Variants in SAMD8 observed in about 807,000 individuals in gnomAD.
SAMD8 encodes sphingomyelin synthase-related protein 1.
SAMD8 carries 20 observed loss-of-function variants against 42.0 expected under a neutral mutation model. The ratio of observed to expected loss-of-function variants is 0.48; its 90% confidence interval spans 0.34 to 0.69. The LOEUF (loss-of-function observed/expected upper bound fraction) is 0.69. Among genes scored for constraint, SAMD8 ranks in the 30% least tolerant of loss-of-function variants. The pLI is 0.01. For synonymous variants in SAMD8, 162 were observed against 173.0 expected (o/e 0.94, Z 0.50); for missense variants, 328 against 511.6 (o/e 0.64, Z 3.46).
intron 1 of SAMD8, among the ~76,000 whole-genome samples, chr10:75,129,405 T>C (rs1849222845): frequency 6.6e-6 from 1 of 152,092 alleles, no homozygotes; most frequent in African/African-American, 2.4e-5. Flanking sequence ...CACACCCAGA[T>C]AATTTTTGTA....
intron 2 of SAMD8, chr10:75,164,402 C>A: frequency 2.1e-4 from 69 of 326,798 alleles, no homozygotes; most frequent in South Asian, 2.5e-4. Context: ...TTTTTTTTTT[C>A]CTCTGGTATT....
upstream of SAMD8, chr10:75,109,112 T>C (rs1848698624): frequency 6.2e-7 from 1 of 1,611,742 alleles, no homozygotes; most frequent in African/African-American, 1.3e-5. Context: ...GGGCAAGGCG[T>C]GGCTTTGTCC....
upstream of SAMD8, among the ~76,000 whole-genome samples, chr10:75,108,549 G>A (rs991067354): frequency 5.3e-5 from 8 of 152,044 alleles, no homozygotes; most frequent in African/African-American, 9.7e-5. Context: ...ACGCATATCC[G>A]TCCTCTACTG....
intron 1 of SAMD8, among the ~76,000 whole-genome samples, chr10:75,120,122 T>C (rs1444373007): frequency 1.3e-5 from 2 of 152,190 alleles, no homozygotes; most frequent in East Asian, 3.8e-4. Flanking sequence ...GTCTCTTGTG[T>C]GTTGGTATAA....
At chr10:75,108,949 C>A, upstream of SAMD8, 5 of 1,536,368 alleles carry the variant, frequency 3.3e-6, no homozygotes, top group Middle Eastern at 1.8e-4. Context: ...TCTGGTAAAG[C>A]GACCAAGAAC....
intron 1 of SAMD8, among the ~76,000 whole-genome samples, chr10:75,100,231 G>A (rs567473032): frequency 1.3e-5 from 2 of 152,280 alleles, no homozygotes; most frequent in East Asian, 3.9e-4. Flanking sequence ...GTAGGCCACA[G>A]TGCATGCCTC....
chr10:75,134,781 G>A lies in SAMD8; in HGVS notation c.-15-15733G>A, dbSNP rs151156642. On this transcript the variant is annotated intron_variant, in intron 1 of 5. Coordinates refer to ENST00000542569, the MANE Select transcript of SAMD8 (RefSeq NM_001174156.2). The stretch of plus-strand genomic sequence containing the variant: ...CACAAAGAAATGATAGATGTGACTG[G>A]TGTGGTGGCTTATGCCTGTAATCTT... Among the ~76,000 whole-genome samples the A allele has an allele frequency of 1.7e-3, 263 of 152,284 alleles. 1 individual carries two copies. Among genetic ancestry groups the A allele is most frequent in the African/African-American group, 6.0e-3 (250 of 41,544 alleles).
upstream of SAMD8, chr10:75,107,925 A>C (rs1194215481): frequency 1.3e-6 from 2 of 1,502,232 alleles, no homozygotes; most frequent in Non-Finnish European, 1.8e-6. Context: ...CTGATGACTG[A>C]GAGGAAATGA....
chr10:75,109,818 T>TTTTGTTTTG (rs1554856164), upstream of SAMD8, among the ~76,000 whole-genome samples: 146 of 150,200 alleles, frequency 9.7e-4, no homozygotes, highest in East Asian at 7.9e-3. Flanking sequence ...AAGGTGTTTT[T>TTTTGTTTTG]TTTTGTTTTG....
chr10:75,171,167 T>TC (rs1239640960), intron 4 of SAMD8, among the ~76,000 whole-genome samples: 44 of 120,010 alleles, frequency 3.7e-4, no homozygotes, highest in Middle Eastern at 3.6e-3. Context: ...TTTCTTTTTT[T>TC]TTTTTTTTTT....
chr10:75,120,335 G>A (rs779061936), intron 1 of SAMD8, among the ~76,000 whole-genome samples: 1 of 151,648 alleles, frequency 6.6e-6, no homozygotes, highest in Non-Finnish European at 1.5e-5. Context: ...GCAGTGGCAC[G>A]ATCTCGGCTC....
upstream of SAMD8, chr10:75,108,200 T>C: frequency 6.2e-7 from 1 of 1,604,034 alleles, no homozygotes; most frequent in Non-Finnish European, 8.5e-7. Context: ...AGCGGTTGTT[T>C]GCCGTGGCCC....
At position 75,180,382 on chromosome 10, in the gene SAMD8, G is replaced by A. The variant is rs144366790; in HGVS notation, c.*3690G>A. The stretch of plus-strand genomic sequence containing the variant: ...GTTCGAGGCCAGCCTGGCCAATGTG[G>A]TGAAACTCCGTCTCTACTAAAAATA... On this transcript the variant is annotated 3_prime_UTR_variant, in exon 6 of 6. Transcript: ENST00000542569. The A allele has an allele frequency of 0.018, 2,729 of 152,366 alleles. 41 individuals carry two copies. Among genetic ancestry groups the A allele is most frequent in the Middle Eastern group, 0.037 (11 of 296 alleles). The allele number at this position is 152,366 out of a possible 1,614,324, so 9.4% of individuals were successfully genotyped here.
intron 1 of SAMD8, among the ~76,000 whole-genome samples, chr10:75,123,867 A>G (rs1017643759): frequency 1.3e-5 from 2 of 151,900 alleles, no homozygotes; most frequent in Non-Finnish European, 2.9e-5. Flanking sequence ...AGCTGGGACT[A>G]CAGGCACACT....
intron 1 of SAMD8, among the ~76,000 whole-genome samples, chr10:75,137,731 A>C (rs1363781731): frequency 6.6e-6 from 1 of 152,194 alleles, no homozygotes; most frequent in Non-Finnish European, 1.5e-5. Flanking sequence ...GGGGATAGTG[A>C]GTTATTGCTT....
intron 4 of SAMD8, among the ~76,000 whole-genome samples, chr10:75,171,949 C>T (rs1468851589): frequency 6.6e-6 from 1 of 151,580 alleles, no homozygotes; most frequent in Non-Finnish European, 1.5e-5. Flanking sequence ...TCACTTGAAC[C>T]TGGGAGGCAG....
chr10:75,150,517 G>A lies in SAMD8; in HGVS notation c.-12G>A, dbSNP rs758689248. ...TTTTCCTGTTTTCTCTCTACAGGCA[G>A]CGGAGGAGGAAATGGCAGGTCCTAA... On this transcript the variant is annotated 5_prime_UTR_variant, in exon 2 of 6. Coordinates refer to ENST00000542569, the MANE Select transcript of SAMD8 (RefSeq NM_001174156.2). The A allele has an allele frequency of 3.0e-5, 48 of 1,603,302 alleles. No individual in the cohort carries two copies. In the Admixed American group the frequency reaches 8.1e-4, roughly 27 times the overall value.
chr10:75,126,868 T>C (rs536790155), intron 1 of SAMD8, among the ~76,000 whole-genome samples: 2 of 152,124 alleles, frequency 1.3e-5, no homozygotes, highest in Non-Finnish European at 2.9e-5. Flanking sequence ...TGTTTGAGAC[T>C]GAACAGTGCA....
At chr10:75,134,667 C>T (rs186430346) in intron 1 of SAMD8, among the ~76,000 whole-genome samples, 16 of 151,972 alleles carry the variant, frequency 1.1e-4, no homozygotes, top group Admixed American at 2.6e-4. Context: ...AGATGAGAAG[C>T]GTAACTGGTT....
Sources: allele counts gnomAD v4.1 joint callset (sites outside exome capture counted in the v4.1 genomes callset), GRCh38; gene constraint gnomAD v4.1.1; transcripts MANE v1.5; gene names NCBI Gene and HGNC (gene_info 2026-07-23, HGNC 2026-07-21).